Variants in POSTN observed in about 807,000 individuals in gnomAD.
POSTN encodes the protein periostin.
POSTN carries 71 observed loss-of-function variants against 104.5 expected under a neutral mutation model. The ratio of observed to expected loss-of-function variants is 0.68; its 90% CI spans 0.56 to 0.83. The LOEUF is 0.83. POSTN is among the 40% of genes least tolerant of loss of function. POSTN has a pLI of 0.00. For synonymous variants in POSTN, 355 were observed against 340.7 expected, an observed-to-expected ratio of 1.04 and a Z score of -0.46; for missense variants, 949 against 1,006.8, an observed-to-expected ratio of 0.94 and a Z score of 0.78.
In POSTN at chr13:37,571,349, A is replaced by C. The variant is rs1373439146; in HGVS notation, c.2179+20T>G. The C allele has an allele frequency of 4.0e-6, 6 of 1,514,578 alleles. No homozygotes were observed. In the Admixed American group the frequency reaches 1.1e-4, roughly 27 times the overall value. 93.8% of individuals were successfully genotyped at this position (1,514,578 alleles called of 1,614,324 possible). A position where few individuals can be genotyped will look rare whatever the true frequency, so the allele number is the denominator to read the frequency against. On this transcript the variant is annotated intron_variant, in intron 18 of 22. Transcript: ENST00000379747. ...AATCACAGCGAAGGTAGTCGGCCCCAGGTAACATAAGGAACGCACCTCCAT... is the reference window on the plus strand; with the variant it reads ...AATCACAGCGAAGGTAGTCGGCCCCCGGTAACATAAGGAACGCACCTCCAT...
In POSTN at chr13:37,569,335, A is replaced by C. The variant is rs75157793; in HGVS notation, c.2396T>G (p.Phe799Cys). Reference sequence around the variant, plus strand: ...CAGTCTTTTAATTTCTTCATCTTCAAATAAATGACCATCACCACCTTCAAT... The same window carrying C: ...CAGTCTTTTAATTTCTTCATCTTCACATAAATGACCATCACCACCTTCAAT... Reference protein sequence around the residue: ...KFIEGGDGHLFEDEEIKRLLQ... With the variant: ...KFIEGGDGHLCEDEEIKRLLQ... The change falls in exon 21 of 23, where the codon TTT becomes TGT. Residue 799 changes from phenylalanine (F) to cysteine (C), a missense_variant. Phe to Cys is a radical substitution (Grantham distance 205). Coordinates refer to ENST00000379747, the MANE Select transcript of POSTN (RefSeq NM_006475.3). 1 of 1,612,628 alleles carries C rather than the reference A, an allele frequency of 6.2e-7. No individual in the cohort carries two copies. Among genetic ancestry groups the C allele is most frequent in the African/African-American group, 1.3e-5 (1 of 74,860 alleles).
chr13:37,570,004 C>T (rs994026051), intron 19 of POSTN, among the ~76,000 whole-genome samples, 183 bp from the exon 20 acceptor site: 6 of 151,816 alleles, frequency 4.0e-5, no homozygotes, highest in African/African-American at 7.2e-5. Context: ...GACTGTGTTC[C>T]GATAAAACTT....
chr13:37,573,036 T>A (rs530808733), intron 17 of POSTN, among the ~76,000 whole-genome samples: 2 of 151,682 alleles, frequency 1.3e-5, no homozygotes, highest in South Asian at 4.1e-4. Flanking sequence ...GCCAGTATGA[T>A]CTTAACTGAA....
chr13:37,586,889 G>T lies in POSTN; in HGVS notation c.646C>A (p.Gln216Lys). Residue 216 changes from glutamine (Q) to lysine (K), a missense_variant, in exon 6 of 23, where the codon CAG (glutamine) becomes AAG (lysine). Coordinates refer to ENST00000379747, the MANE Select transcript of POSTN (RefSeq NM_006475.3). ...VNCARIIHGN[Q>K]IATNGVVHVI... ...TGGACAACACCATTTGTTGCAATCT[G>T]GTTCCCATGGATGATTCGAGCACAA... 6.2e-7 allele frequency: 1 copy of T among 1,613,292 alleles called. No individual in the cohort carries two copies. The highest frequency in any genetic ancestry group is 8.5e-7 in the Non-Finnish European group (1 of 1,179,536).
At chr13:37,589,230 C>T (rs764170463) in intron 4 of POSTN, among the ~76,000 whole-genome samples, 80 of 152,080 alleles carry the variant, frequency 5.3e-4, no homozygotes, top group Non-Finnish European at 7.5e-4. Flanking sequence ...AAACAACAAG[C>T]GTAGGTTTAC....
At chr13:37,575,180 A>T (rs1199372705) in intron 16 of POSTN, among the ~76,000 whole-genome samples, 1 of 152,108 alleles carries the variant, frequency 6.6e-6, no homozygotes, top group Non-Finnish European at 1.5e-5. Context: ...AATAAATTTC[A>T]GCCAGCCAGA....
At chr13:37,591,601 A>G (rs1285078603) in intron 3 of POSTN, among the ~76,000 whole-genome samples, 1 of 152,206 alleles carries the variant, frequency 6.6e-6, no homozygotes, top group Non-Finnish European at 1.5e-5. Context: ...TTATTCAAGA[A>G]GAGAAGGTAG....
At chr13:37,577,277 A>G (rs563818696) in intron 16 of POSTN, among the ~76,000 whole-genome samples, 5 of 152,144 alleles carry the variant, frequency 3.3e-5, no homozygotes, top group African/African-American at 7.2e-5. Flanking sequence ...CCTTTGTCCA[A>G]TTTTGGATGG....
At chr13:37,578,494 G>T (rs1950478960) in intron 15 of POSTN, among the ~76,000 whole-genome samples, 1 of 147,794 alleles carries the variant, frequency 6.8e-6, no homozygotes, top group South Asian at 2.1e-4. Flanking sequence ...CTACATATTA[G>T]AAATAAATCA....
chr13:37,567,235 CAA>C (rs71093694), intron 21 of POSTN, among the ~76,000 whole-genome samples: 4 of 36,922 alleles, frequency 1.1e-4, no homozygotes, highest in Non-Finnish European at 9.2e-5. Context: ...GACTCCGTCT[CAA>C]AAAAAAAAAA....
At chr13:37,581,145 A>G (rs985895908) in intron 10 of POSTN, among the ~76,000 whole-genome samples, 1 of 152,214 alleles carries the variant, frequency 6.6e-6, no homozygotes, top group African/African-American at 2.4e-5. Context: ...AATCATTGAC[A>G]TATTCATAGC....
intron 17 of POSTN, 112 bp from the exon 18 acceptor site, chr13:37,571,570 G>T: frequency 1.4e-6 from 1 of 711,716 alleles, no homozygotes; most frequent in Non-Finnish European, 2.3e-6. Context: ...TGTCAAAGTG[G>T]TTTCAGGCTC....
At position 37,595,700 on chromosome 13, in the gene POSTN, A is replaced by C. The variant is rs186894564; in HGVS notation, c.218+1484T>G. 1.9e-3 allele frequency among the ~76,000 whole-genome samples: 284 copies of C among 152,248 alleles called. 1 individual carries two copies. The highest frequency in any genetic ancestry group is 6.6e-3 in the African/African-American group (276 of 41,548). On this transcript the variant is annotated intron_variant, in intron 2 of 22. Coordinates refer to ENST00000379747, the MANE Select transcript of POSTN (RefSeq NM_006475.3). ...TATTATGCATTATGGTTACTTAGTA[A>C]TTTCACATTTATCAATTCATTTTAT...
rs749099262 is a variant in POSTN at position 37,571,381 on chromosome 13, C to T, written c.2167G>A (p.Val723Met). ...LIKEGETITE[V>M]IHGEPIIKKY... ...ATAAGGAACGCACCTCCATGGATCACTTCAGTTATTGTTTCACCTTCTTTA... is the reference window on the plus strand; with the variant it reads ...ATAAGGAACGCACCTCCATGGATCATTTCAGTTATTGTTTCACCTTCTTTA... The change falls in exon 18 of 23, where the codon GTG (valine) becomes ATG (methionine). Residue 723 changes from valine (V) to methionine (M), a missense_variant. Val to Met is a conservative substitution (Grantham distance 21). Transcript: ENST00000379747. 1.2e-6 allele frequency: 2 copies of T among 1,605,548 alleles called. No homozygotes were observed. Among genetic ancestry groups the T allele is most frequent in the Admixed American group, 1.7e-5 (1 of 59,744 alleles).
chr13:37,588,103 C>T, intron 4 of POSTN, 117 bp from the exon 5 acceptor site: 1 of 808,720 alleles, frequency 1.2e-6, no homozygotes, highest in Non-Finnish European at 2.0e-6. Context: ...GATGGTCATA[C>T]AAAATTGACA....
intron 7 of POSTN, 127 bp downstream of exon 7, chr13:37,586,012 A>C: frequency 1.3e-6 from 1 of 787,766 alleles, no homozygotes; most frequent in Non-Finnish European, 1.9e-6. Flanking sequence ...GACATAGTAC[A>C]TCTCAGAATA....
intron 5 of POSTN, 30 bp from the exon 6 acceptor site, chr13:37,586,958 G>A (rs764410405): frequency 1.9e-6 from 3 of 1,607,382 alleles, no homozygotes; most frequent in Admixed American, 1.7e-5. Context: ...TCAAAGTGCT[G>A]AAACCAGAGA....
At chr13:37,579,753 A>T in intron 12 of POSTN, 108 bp downstream of exon 12, 1 of 1,256,020 alleles carries the variant, frequency 8.0e-7, no homozygotes, top group Non-Finnish European at 1.1e-6. Context: ...CTAACCATGA[A>T]TACCAGAGAG....
At chr13:37,570,559 A>G (rs1163254530) in intron 19 of POSTN, 21 bp downstream of exon 19, 1 of 1,462,632 alleles carries the variant, frequency 6.8e-7, no homozygotes, top group Admixed American at 1.7e-5. Flanking sequence ...GCATAGATCC[A>G]TGTATGGAAT....
Sources: allele counts gnomAD v4.1 joint callset (sites outside exome capture counted in the v4.1 genomes callset), GRCh38; gene constraint gnomAD v4.1.1; transcripts MANE v1.5; gene names NCBI Gene and HGNC (gene_info 2026-07-23, HGNC 2026-07-21).